CPEB3: variants seen among roughly 807,000 people sequenced by gnomAD.
The protein encoded by CPEB3 is cytoplasmic polyadenylation element binding protein 3.
A neutral mutation model predicts 67.2 loss-of-function variants in CPEB3; 20 were observed. The observed-to-expected ratio is 0.30, with a 90% CI of 0.21 to 0.43. The LOEUF is 0.43. CPEB3 is among the 20% of genes least tolerant of loss of function. The pLI is 1.00. For synonymous variants in CPEB3, 376 were observed against 393.1 expected (o/e 0.96, Z 0.51); for missense variants, 746 against 968.6 (o/e 0.77, Z 3.05).
chr10:92,156,993 T>G (rs1403744429), intron 4 of CPEB3, among the ~76,000 whole-genome samples: 1 of 152,176 alleles, frequency 6.6e-6, no homozygotes, highest in Non-Finnish European at 1.5e-5. Context: ...TCTTCATGAC[T>G]CAACTACAAA....
At chr10:92,078,126 G>C (rs1843004884) in intron 9 of CPEB3, among the ~76,000 whole-genome samples, 1 of 152,080 alleles carries the variant, frequency 6.6e-6, no homozygotes, top group Non-Finnish European at 1.5e-5. Flanking sequence ...GGATGCCCAA[G>C]GCTATTACTA....
At chr10:92,161,758 G>A (rs770020451) in intron 4 of CPEB3, among the ~76,000 whole-genome samples, 1 of 152,060 alleles carries the variant, frequency 6.6e-6, no homozygotes, top group Non-Finnish European at 1.5e-5. Context: ...TCCACCTCCC[G>A]GTACAAGCGA....
At chr10:92,272,184 T>G (rs542887631) in intron 1 of CPEB3, 1 of 152,140 alleles carries the variant, frequency 6.6e-6, no homozygotes, top group Non-Finnish European at 1.5e-5. Context: ...GGGGCAGAAA[T>G]AGTAGAACAA....
chr10:92,259,153 G>A (rs964461506), intron 1 of CPEB3, among the ~76,000 whole-genome samples: 4 of 151,228 alleles, frequency 2.6e-5, no homozygotes, highest in Non-Finnish European at 4.4e-5. Context: ...AGTAGAGATG[G>A]GGTTTCACCA....
At chr10:92,171,031 G>A (rs1847975564) in intron 4 of CPEB3, among the ~76,000 whole-genome samples, 1 of 152,214 alleles carries the variant, frequency 6.6e-6, no homozygotes, top group South Asian at 2.1e-4. Context: ...TAAACAAAAT[G>A]GGTGCTGGTG....
intron 2 of CPEB3, among the ~76,000 whole-genome samples, chr10:92,233,514 G>A (rs1299398710): frequency 6.7e-6 from 1 of 149,968 alleles, no homozygotes; most frequent in East Asian, 1.9e-4. Flanking sequence ...TCCAGCTTGG[G>A]CGACAGATTC....
intron 6 of CPEB3, among the ~76,000 whole-genome samples, chr10:92,120,572 A>C (rs1415843915): frequency 6.6e-6 from 1 of 152,152 alleles, no homozygotes; most frequent in Non-Finnish European, 1.5e-5. Flanking sequence ...TGACAGAGCG[A>C]GACTGTCTCA....
chr10:92,231,728 T>A (rs550534041), intron 2 of CPEB3, among the ~76,000 whole-genome samples: 111 of 152,268 alleles, frequency 7.3e-4, no homozygotes, highest in Non-Finnish European at 1.4e-3. Flanking sequence ...TTTTCTTTTC[T>A]TTTCTTTTTA....
At chr10:92,214,906 G>A (rs756542931) in intron 2 of CPEB3, among the ~76,000 whole-genome samples, 9 of 151,844 alleles carry the variant, frequency 5.9e-5, no homozygotes, top group Non-Finnish European at 1.2e-4. Flanking sequence ...GGAGTGCAGT[G>A]GTGCAATCTT....
intron 4 of CPEB3, among the ~76,000 whole-genome samples, chr10:92,174,229 T>A (rs1848127639): frequency 6.6e-6 from 1 of 152,116 alleles, no homozygotes; most frequent in African/African-American, 2.4e-5. Flanking sequence ...AGGAGTTCAC[T>A]CCCAGCAGAG....
At chr10:92,054,531 C>T (rs1173096145) in intron 9 of CPEB3, among the ~76,000 whole-genome samples, 1 of 152,044 alleles carries the variant, frequency 6.6e-6, no homozygotes, top group Non-Finnish European at 1.5e-5. Context: ...CCTCCACCTC[C>T]CAGGTTCAAG....
At chr10:92,271,594 AT>A (rs2134994841) in intron 1 of CPEB3, among the ~76,000 whole-genome samples, 1 of 152,234 alleles carries the variant, frequency 6.6e-6, no homozygotes, top group African/African-American at 2.4e-5. Flanking sequence ...TCATACATAT[AT>A]TTTTCAATAA....
rs140411915 is a variant in CPEB3, at chr10:92,168,936, C to T, written c.1222+12027G>A. Reference sequence around the variant, plus strand: ...TCAGCCTCCCACACAGCTGGGATTACAGGTGCATGCCACTATGCCCAGCTA... The same window carrying T: ...TCAGCCTCCCACACAGCTGGGATTATAGGTGCATGCCACTATGCCCAGCTA... On this transcript the variant is annotated intron_variant, in intron 4 of 9. Coordinates refer to ENST00000265997, the MANE Select transcript of CPEB3 (RefSeq NM_014912.5). Among the ~76,000 whole-genome samples the T allele has an allele frequency of 8.2e-4, 124 of 151,304 alleles. 1 individual carries two copies. The highest frequency in any genetic ancestry group is 2.8e-3 in the African/African-American group (117 of 41,216).
chr10:92,164,156 T>A (rs1338683720), intron 4 of CPEB3, among the ~76,000 whole-genome samples: 1 of 152,186 alleles, frequency 6.6e-6, no homozygotes, highest in Non-Finnish European at 1.5e-5. Flanking sequence ...GTACGTCTTC[T>A]AATCCCCAAG....
chr10:92,081,848 C>T (rs937851219), intron 8 of CPEB3, among the ~76,000 whole-genome samples: 2 of 152,202 alleles, frequency 1.3e-5, no homozygotes, highest in African/African-American at 4.8e-5. Context: ...CAAGGCATTT[C>T]ATGCTGCCCT....
chr10:92,184,348 T>C (rs1848592014), intron 3 of CPEB3, among the ~76,000 whole-genome samples: 1 of 152,194 alleles, frequency 6.6e-6, no homozygotes. Context: ...CTCACGCCTG[T>C]AATCCCAACA....
intron 9 of CPEB3, among the ~76,000 whole-genome samples, chr10:92,069,225 C>A (rs1386066504): frequency 6.6e-6 from 1 of 151,786 alleles, no homozygotes. Flanking sequence ...AAATATACAC[C>A]CTTTGGTAGT....
chr10:92,268,852 T>C (rs1032568456), intron 1 of CPEB3, among the ~76,000 whole-genome samples: 3 of 152,100 alleles, frequency 2.0e-5, no homozygotes, highest in African/African-American at 7.2e-5. Context: ...GTTTCATAGG[T>C]TGAGTTCCTT....
intron 2 of CPEB3, among the ~76,000 whole-genome samples, chr10:92,199,384 T>C (rs1849398277): frequency 3.2e-5 from 3 of 93,054 alleles, no homozygotes; most frequent in Admixed American, 1.3e-4. Flanking sequence ...AAAGTGAAAC[T>C]CTGTCTCAAA....
Sources: gnomAD v4.1 joint callset for allele counts (sites outside exome capture counted in the v4.1 genomes callset) on GRCh38, gnomAD v4.1.1 for gene constraint, MANE v1.5 for transcripts, NCBI Gene and HGNC (gene_info 2026-07-23, HGNC 2026-07-21) for gene names.